Variants in AGBL3 observed in about 807,000 individuals in gnomAD.
The protein encoded by AGBL3 is AGBL carboxypeptidase 3.
AGBL3 carries 68 observed loss-of-function variants against 94.5 expected under a neutral mutation model. The ratio of observed to expected loss-of-function variants is 0.72; its 90% CI spans 0.59 to 0.88. The LOEUF (loss-of-function observed/expected upper bound fraction) is 0.88, where lower values mean the gene tolerates loss of function less well. Among genes scored for constraint, AGBL3 ranks in the 40% least tolerant of loss-of-function variants. The pLI is 0.00. For synonymous variants in AGBL3, 354 were observed against 370.7 expected (o/e 0.95, Z 0.52); for missense variants, 934 against 1,103.8 (o/e 0.85, Z 2.18).
chr7:135,006,681 G>C (rs970694092), intron 4 of AGBL3, among the ~76,000 whole-genome samples: 1 of 151,914 alleles, frequency 6.6e-6, no homozygotes. Context: ...TGGAAGTGTT[G>C]TGAAATCTTA....
intron 14 of AGBL3, among the ~76,000 whole-genome samples, chr7:135,080,595 T>G (rs1820832734): frequency 6.6e-6 from 1 of 152,164 alleles, no homozygotes; most frequent in South Asian, 2.1e-4. Context: ...GGAAAGGCAT[T>G]TATGTTTTAA....
At chr7:135,103,096 C>T (rs1452594408) in intron 15 of AGBL3, among the ~76,000 whole-genome samples, 1 of 152,174 alleles carries the variant, frequency 6.6e-6, no homozygotes, top group African/African-American at 2.4e-5. Context: ...GCAGAATCCA[C>T]TCTTCTACTT....
At chr7:135,111,459 T>C (rs1453726255) in intron 15 of AGBL3, among the ~76,000 whole-genome samples, 1 of 152,230 alleles carries the variant, frequency 6.6e-6, no homozygotes, top group African/African-American at 2.4e-5. Context: ...TTTCCCTTGA[T>C]TCATTGAGCT....
In AGBL3 at chr7:134,994,603, T is replaced by TA. The variant is rs1310748073; in HGVS notation, c.310+934dup. 3.3e-5 allele frequency among the ~76,000 whole-genome samples: 5 copies of TA among 151,534 alleles called. No individual in the cohort carries two copies. The East Asian group carries it at 7.7e-4, about 23-fold the overall frequency. Reference sequence around the variant, plus strand: ...GATCTTATGGACACTCATTGGTGAATAAAAAAAAATTACACATACATACTT... The same window carrying TA: ...GATCTTATGGACACTCATTGGTGAATAAAAAAAAAATTACACATACATACTT... On this transcript the variant is annotated intron_variant, in intron 4 of 16. Coordinates refer to ENST00000436302, the MANE Select transcript of AGBL3 (RefSeq NM_178563.4).
intron 11 of AGBL3, among the ~76,000 whole-genome samples, chr7:135,051,884 G>T (rs1487316352): frequency 6.6e-6 from 1 of 151,950 alleles, no homozygotes; most frequent in East Asian, 1.9e-4. Flanking sequence ...TTTAAGCTTA[G>T]TATAAAGTAT....
rs1820205316 is a variant in AGBL3, at chr7:135,073,828, G to T, written c.1909-2569G>T. ...TTTATGCAAATAAGCGATTAGGTCA[G>T]GGGTCGATCTTTAACTACCAGGCCC... is the stretch of plus-strand genomic sequence containing the variant. On this transcript the variant is annotated intron_variant, in intron 12 of 16. Coordinates refer to ENST00000436302, the MANE Select transcript of AGBL3 (RefSeq NM_178563.4). 2.0e-5 allele frequency among the ~76,000 whole-genome samples: 3 copies of T among 152,174 alleles called. No individual in the cohort carries two copies. The South Asian group carries it at 6.2e-4, about 31-fold the overall frequency.
chr7:135,091,165 G>A (rs964553297), intron 15 of AGBL3, among the ~76,000 whole-genome samples: 2 of 152,098 alleles, frequency 1.3e-5, no homozygotes, highest in African/African-American at 4.8e-5. Context: ...AGGATGGGGT[G>A]GTGGAGTCCT....
intron 15 of AGBL3, among the ~76,000 whole-genome samples, chr7:135,112,239 T>G (rs1825746155): frequency 6.6e-6 from 1 of 152,230 alleles, no homozygotes; most frequent in Admixed American, 6.5e-5. Flanking sequence ...TGTTTCACTT[T>G]TCTTCAACCT....
intron 11 of AGBL3, chr7:135,050,895 C>A: frequency 3.3e-6 from 1 of 303,584 alleles, no homozygotes. Context: ...TGAGTTTAGT[C>A]CATTTATACT....
In AGBL3 at chr7:135,034,614, A is replaced by T; in HGVS notation, c.1023A>T (p.Thr341=). ...TLARNMVYIL[T]ITTPLKNSDS... ...CTAGGAACATGGTGTATATTTTAAC[A>T]ATCACTACCCCCTTGAAGAACTCTG... The change falls in exon 7 of 17, where the codon ACA becomes ACT. Residue 341 remains threonine, a synonymous_variant. Coordinates refer to ENST00000436302, the MANE Select transcript of AGBL3 (RefSeq NM_178563.4). 1 of 1,551,702 alleles carries T rather than the reference A, an allele frequency of 6.4e-7. No individual in the cohort carries two copies. Among genetic ancestry groups the T allele is most frequent in the Non-Finnish European group, 8.7e-7 (1 of 1,146,974 alleles).
intron 12 of AGBL3, among the ~76,000 whole-genome samples, chr7:135,073,777 A>G (rs1302162746): frequency 6.6e-6 from 1 of 152,118 alleles, no homozygotes; most frequent in Admixed American, 6.6e-5. Flanking sequence ...GAAACTGAAC[A>G]GGACAGGGAT....
At chr7:135,073,745 T>G (rs1203430495) in intron 12 of AGBL3, among the ~76,000 whole-genome samples, 1 of 151,990 alleles carries the variant, frequency 6.6e-6, no homozygotes, top group Non-Finnish European at 1.5e-5. Context: ...GACTGGGGGC[T>G]ACATACACCG....
chr7:135,060,130 T>C (rs79445731), intron 12 of AGBL3, among the ~76,000 whole-genome samples: 3 of 152,222 alleles, frequency 2.0e-5, no homozygotes, highest in Non-Finnish European at 4.4e-5. Flanking sequence ...ACACTGTTAA[T>C]AGTCTACCTC....
At chr7:135,063,141 T>A (rs939744396) in intron 12 of AGBL3, among the ~76,000 whole-genome samples, 1 of 152,172 alleles carries the variant, frequency 6.6e-6, no homozygotes, top group Non-Finnish European at 1.5e-5. Flanking sequence ...ATCTAATTTG[T>A]TGGCATATAA....
At position 134,993,474 on chromosome 7, in the gene AGBL3, G is replaced by C. The variant is rs1184586163; in HGVS notation, c.125-19G>C. ...TTTTCTTCTTCCCACTCATGATTGTGTTTGAATCTTTTTCTCAGCTGACTC... is the reference window on the plus strand; with the variant it reads ...TTTTCTTCTTCCCACTCATGATTGTCTTTGAATCTTTTTCTCAGCTGACTC... On this transcript the variant is annotated intron_variant, in intron 3 of 16. Coordinates refer to ENST00000436302, the MANE Select transcript of AGBL3 (RefSeq NM_178563.4). The C allele has an allele frequency of 6.6e-7, 1 of 1,521,468 alleles. No individual in the cohort carries two copies. Among genetic ancestry groups the C allele is most frequent in the East Asian group, 2.5e-5 (1 of 40,240 alleles). The allele number at this position is 1,521,468 out of a possible 1,614,324, so 94.2% of individuals were successfully genotyped here. A position where few individuals can be genotyped will look rare whatever the true frequency, so the allele number is the denominator to read the frequency against.
intron 5 of AGBL3, among the ~76,000 whole-genome samples, chr7:135,021,293 CT>C (rs1198934867): frequency 1.3e-3 from 182 of 140,868 alleles, no homozygotes; most frequent in African/African-American, 1.7e-3. Context: ...CATCATTTTA[CT>C]TTTTTTTTTT....
At position 135,050,291 on chromosome 7, in the gene AGBL3, T is replaced by C. The variant is rs181191074; in HGVS notation, c.1841+4380T>C. Among the ~76,000 whole-genome samples, 565 of 152,050 alleles carry C rather than the reference T, an allele frequency of 3.7e-3. 3 individuals are homozygous for C. Among genetic ancestry groups the C allele is most frequent in the Admixed American group, 6.2e-3 (95 of 15,250 alleles). ...TTTGTTAAATTTGTTAAGGCTTGTT[T>C]TGTGGCCTAACATGTGATCTATCCT... On this transcript the variant is annotated intron_variant, in intron 11 of 16. Transcript: ENST00000436302.
At chr7:135,059,842 A>T (rs1478312210) in intron 12 of AGBL3, among the ~76,000 whole-genome samples, 1 of 152,230 alleles carries the variant, frequency 6.6e-6, no homozygotes, top group Non-Finnish European at 1.5e-5. Flanking sequence ...ATGAGGAACA[A>T]GCCAAGTAGA....
intron 7 of AGBL3, among the ~76,000 whole-genome samples, chr7:135,035,217 C>A (rs954692939): frequency 6.6e-6 from 1 of 151,952 alleles, no homozygotes; most frequent in African/African-American, 2.4e-5. Context: ...CCAAATTTGG[C>A]TTCTTGCTAA....
Sources: gnomAD v4.1 joint callset for allele counts (sites outside exome capture counted in the v4.1 genomes callset) on GRCh38, gnomAD v4.1.1 for gene constraint, MANE v1.5 for transcripts, NCBI Gene and HGNC (gene_info 2026-07-23, HGNC 2026-07-21) for gene names.